The following PRKN variants were observed in gnomAD, a reference collection of about 807,000 sequenced individuals.
The protein encoded by PRKN is E3 ubiquitin-protein ligase parkin.
Under a neutral mutation model 59.5 loss-of-function variants are expected in PRKN, and 56 were observed. The observed-to-expected ratio is 0.94, with a 90% CI of 0.76 to 1.18. The LOEUF is 1.18. PRKN is among the 50% of genes most tolerant of loss of function. PRKN has a pLI of 0.00. For missense variants in PRKN, 657 were observed against 596.4 expected, an observed-to-expected ratio of 1.10 and a Z score of -1.06; for synonymous variants, 250 against 222.1, an observed-to-expected ratio of 1.13 and a Z score of -1.12.
Position 161,391,189 on chromosome 6 carries a change from A to G in PRKN, c.1084-4312T>C, listed in dbSNP as rs1392933908. On this transcript the variant is annotated intron_variant, in intron 9 of 11. Transcript: ENST00000366898. This position sits in a 1 kb window ranked among gnomAD's most constrained non-coding sequence, Gnocchi z 4.9. ...CATGTCTCATATCTGGGGCGCCTGGATCCTTCTTTAACCAACCATGTAGAA... is the reference window on the plus strand; with the variant it reads ...CATGTCTCATATCTGGGGCGCCTGGGTCCTTCTTTAACCAACCATGTAGAA... Among the ~76,000 whole-genome samples the G allele has an allele frequency of 6.6e-6, 1 of 152,112 alleles. No individual in the cohort carries two copies. Among genetic ancestry groups the G allele is most frequent in the African/African-American group, 2.4e-5 (1 of 41,378 alleles).
chr6:162,079,545 AAAAAC>A (rs1778973097), intron 4 of PRKN, among the ~76,000 whole-genome samples: 1 of 152,110 alleles, frequency 6.6e-6, no homozygotes, highest in Non-Finnish European at 1.5e-5. Flanking sequence ...ATTTCCAAAG[AAAAAC>A]AAAACCCTGC....
chr6:162,298,090 C>A (rs77533922), intron 2 of PRKN, among the ~76,000 whole-genome samples: 4,383 of 152,154 alleles, frequency 0.029, 200 homozygotes, highest in African/African-American at 0.095. Context: ...GGCCAAATCA[C>A]TTGGGCTCCC....
At chr6:161,416,332 G>A (rs1353707070) in intron 9 of PRKN, among the ~76,000 whole-genome samples, 5 of 151,976 alleles carry the variant, frequency 3.3e-5, no homozygotes, top group African/African-American at 7.3e-5. Context: ...TGTTTTTCTC[G>A]GTCTGTTTTC....
chr6:162,482,941 C>T (rs972141625), intron 1 of PRKN, among the ~76,000 whole-genome samples: 2 of 151,568 alleles, frequency 1.3e-5, no homozygotes, highest in African/African-American at 4.9e-5. Context: ...CATTGTTGGA[C>T]AGCTAGCTCT....
At chr6:162,013,874 C>T (rs969049387) in intron 5 of PRKN, among the ~76,000 whole-genome samples, 79 of 152,122 alleles carry the variant, frequency 5.2e-4, no homozygotes, top group African/African-American at 1.8e-3. Flanking sequence ...TTTCCTTTTC[C>T]CTTTCACTGT....
Position 161,413,436 on chromosome 6 carries a change from G to A in PRKN, c.1084-26559C>T, listed in dbSNP as rs1015945535. ...GCCAGTGCATCAACACAGAGTAACC[G>A]AATACATCAGAGAGGACATAGGGAT... On this transcript the variant is annotated intron_variant, in intron 9 of 11. Coordinates refer to ENST00000366898, the MANE Select transcript of PRKN (RefSeq NM_004562.3). The surrounding 1 kb of genome is among the most constrained non-coding windows in gnomAD (Gnocchi z 4.4). 4.6e-5 allele frequency among the ~76,000 whole-genome samples: 7 copies of A among 152,300 alleles called. No individual in the cohort carries two copies. The highest frequency in any genetic ancestry group is 2.1e-4 in the South Asian group (1 of 4,826).
chr6:162,474,944 A>C (rs1293054810), intron 1 of PRKN, among the ~76,000 whole-genome samples: 1 of 152,222 alleles, frequency 6.6e-6, no homozygotes, highest in Non-Finnish European at 1.5e-5. Context: ...ATTTCTACAA[A>C]TGTCAAAATA....
intron 6 of PRKN, among the ~76,000 whole-genome samples, chr6:161,963,600 C>T (rs1780468256): frequency 6.6e-6 from 1 of 152,354 alleles, no homozygotes; most frequent in Non-Finnish European, 1.5e-5. Flanking sequence ...GACATTTCCC[C>T]TTATTTCTAA....
At chr6:162,053,538 C>T (rs1437378923) in intron 5 of PRKN, among the ~76,000 whole-genome samples, 1 of 152,040 alleles carries the variant, frequency 6.6e-6, no homozygotes, top group Non-Finnish European at 1.5e-5. Context: ...AAACATATGG[C>T]ATATATGTGC....
chr6:161,350,233 G>A (rs1347843330), intron 11 of PRKN, 22 bp from the exon 12 acceptor site: 7 of 1,559,570 alleles, frequency 4.5e-6, no homozygotes, highest in African/African-American at 4.1e-5. Flanking sequence ...AGAAAACAAA[G>A]GTGTGGTGGG....
At chr6:162,686,470 T>A (rs2128234065) in intron 1 of PRKN, among the ~76,000 whole-genome samples, 1 of 152,312 alleles carries the variant, frequency 6.6e-6, no homozygotes, top group South Asian at 2.1e-4. Flanking sequence ...TGCTTTGGCT[T>A]GAGACAAGGT....
chr6:162,672,411 G>C (rs1037107047), intron 1 of PRKN, among the ~76,000 whole-genome samples: 2 of 151,256 alleles, frequency 1.3e-5, no homozygotes, highest in Non-Finnish European at 2.9e-5. Context: ...TAACCACTTT[G>C]GCAAAAAAAA....
In PRKN at chr6:161,874,998, AATATATT is replaced by A. The variant is rs1473705058; in HGVS notation, c.735-89097_735-89091del. 1.7e-4 allele frequency among the ~76,000 whole-genome samples: 16 copies of A among 92,324 alleles called. No homozygotes were observed. In the East Asian group the frequency reaches 4.2e-3, roughly 24 times the overall value. 60.6% of individuals were successfully genotyped at this position (92,324 alleles called of 152,430 possible). On this transcript the variant is annotated intron_variant, in intron 6 of 11. Coordinates refer to ENST00000366898, the MANE Select transcript of PRKN (RefSeq NM_004562.3). ...TTATTATATTATATACTTTATATATAATATATTATATATTATATATAAAGTATATAAT... is the reference window on the plus strand; with the variant it reads ...TTATTATATTATATACTTTATATATAATATATTATATATAAAGTATATAAT...
At chr6:162,472,885 T>C (rs1199452339) in intron 1 of PRKN, among the ~76,000 whole-genome samples, 1 of 151,030 alleles carries the variant, frequency 6.6e-6, no homozygotes, top group Non-Finnish European at 1.5e-5. Context: ...ATACTGGAAA[T>C]GTGTGTGTGG....
chr6:161,599,304 A>G (rs1011395319), intron 7 of PRKN, among the ~76,000 whole-genome samples: 1 of 152,214 alleles, frequency 6.6e-6, no homozygotes, highest in African/African-American at 2.4e-5. Flanking sequence ...TGCTAGTGCA[A>G]TGTTGATTTC....
At chr6:162,560,912 G>A (rs1384128338) in intron 1 of PRKN, among the ~76,000 whole-genome samples, 1 of 142,390 alleles carries the variant, frequency 7.0e-6, no homozygotes, top group East Asian at 2.0e-4. Flanking sequence ...TTATAAAGAT[G>A]CCCACTGGGT....
rs1307615041 is a variant in PRKN, at chr6:161,874,065, A to AAT, written c.735-88159_735-88158dup. 1.0e-4 allele frequency among the ~76,000 whole-genome samples: 4 copies of AAT among 38,250 alleles called. 1 individual carries two copies. Among genetic ancestry groups the AAT allele is most frequent in the South Asian group, 1.5e-3 (2 of 1,350 alleles). The allele number at this position is 38,250 out of a possible 152,430, so 25.1% of individuals were successfully genotyped here. Reference sequence around the variant, plus strand: ...ATATTATATGTAAAATATAATATATAATATATATTATATGTAAAATATAAT... The same window carrying AAT: ...ATATTATATGTAAAATATAATATATAATATATATATTATATGTAAAATATAAT... On this transcript the variant is annotated intron_variant, in intron 6 of 11. Coordinates refer to ENST00000366898, the MANE Select transcript of PRKN (RefSeq NM_004562.3).
intron 7 of PRKN, among the ~76,000 whole-genome samples, chr6:161,673,517 T>A (rs1244333153): frequency 2.0e-5 from 3 of 152,182 alleles, no homozygotes; most frequent in Non-Finnish European, 4.4e-5. Context: ...AGGCACCCAT[T>A]TTAACTACTT....
chr6:162,171,731 A>G (rs896055879), intron 4 of PRKN, among the ~76,000 whole-genome samples: 7 of 152,086 alleles, frequency 4.6e-5, no homozygotes, highest in Admixed American at 6.6e-5. Flanking sequence ...ACCCCAGCCC[A>G]TTATCTTCTT....
Sources: allele counts gnomAD v4.1 joint callset (sites outside exome capture counted in the v4.1 genomes callset), GRCh38; gene constraint gnomAD v4.1.1; non-coding constraint Gnocchi (gnomAD v3.1); transcripts MANE v1.5; gene names NCBI Gene and HGNC (gene_info 2026-07-23, HGNC 2026-07-21).